Variants in BLK observed in about 807,000 individuals in gnomAD.
The protein encoded by BLK is BLK proto-oncogene, Src family tyrosine kinase, also known as tyrosine-protein kinase Blk.
In BLK, 64 loss-of-function variants were observed where a neutral mutation model predicts 61.8. The observed-to-expected ratio is 1.03, with a 90% CI of 0.85 to 1.27. The LOEUF is 1.27. Among genes scored for constraint, BLK ranks in the 50% most tolerant of loss-of-function variants. The pLI, the probability that BLK is intolerant of heterozygous loss-of-function variation, is 0.00. For synonymous variants in BLK, 351 were observed against 272.0 expected (o/e 1.29, Z -2.86); for missense variants, 853 against 660.5 (o/e 1.29, Z -3.19).
At chr8:11,525,365 T>C (rs1435625548) in intron 1 of BLK, among the ~76,000 whole-genome samples, 2 of 152,216 alleles carry the variant, frequency 1.3e-5, no homozygotes, top group Non-Finnish European at 2.9e-5. Context: ...GTCTCACTGT[T>C]AGTAGTTTGA....
At chr8:11,527,595 T>G (rs974751517) in intron 1 of BLK, among the ~76,000 whole-genome samples, 1 of 151,810 alleles carries the variant, frequency 6.6e-6, no homozygotes, top group Non-Finnish European at 1.5e-5. Flanking sequence ...TTATGGACAA[T>G]TTGGTGGGCA....
At chr8:11,513,116 G>A (rs573002972) in intron 1 of BLK, among the ~76,000 whole-genome samples, 9 of 152,136 alleles carry the variant, frequency 5.9e-5, no homozygotes, top group African/African-American at 1.9e-4. Context: ...ATCCTCCTAC[G>A]AGATCCCTAC....
intron 1 of BLK, among the ~76,000 whole-genome samples, chr8:11,538,407 T>C (rs781005098): frequency 2.0e-5 from 3 of 152,142 alleles, no homozygotes; most frequent in African/African-American, 7.2e-5. Flanking sequence ...TCAAAGCCAC[T>C]GGAGTAGGGG....
At chr8:11,515,233 G>A (rs1172096852) in intron 1 of BLK, among the ~76,000 whole-genome samples, 1 of 152,178 alleles carries the variant, frequency 6.6e-6, no homozygotes, top group Non-Finnish European at 1.5e-5. Context: ...GGTCCTGGAA[G>A]TACAGGCGGT....
chr8:11,556,534 C>CA, intron 8 of BLK, 124 bp from the exon 9 acceptor site: 1 of 1,188,792 alleles, frequency 8.4e-7, no homozygotes, highest in East Asian at 2.4e-5. Flanking sequence ...TCCGGAACTG[C>CA]ATGTTCCAGC....
Position 11,556,613 on chromosome 8 carries a change from A to G in BLK, c.773-45A>G, listed in dbSNP as rs373942304. 1.1e-3 allele frequency: 1,835 copies of G among 1,613,188 alleles called. 1 individual carries two copies. The highest frequency in any genetic ancestry group is 1.4e-3 in the Non-Finnish European group (1,650 of 1,179,446). On this transcript the variant is annotated intron_variant, in intron 8 of 12. Coordinates refer to ENST00000259089, the MANE Select transcript of BLK (RefSeq NM_001715.3). ...TTTGGTTAAGGGATCACCTCCGAGC[A>G]AGCTCTCTGTCTTCTGATTGGCTTC...
At chr8:11,522,884 C>G (rs1037986841) in intron 1 of BLK, among the ~76,000 whole-genome samples, 1 of 152,094 alleles carries the variant, frequency 6.6e-6, no homozygotes. Context: ...TTAACACCTA[C>G]TAACTCCATG....
At chr8:11,543,449 G>C (rs1252719032) in intron 2 of BLK, 102 bp downstream of exon 2, 3 of 1,484,204 alleles carry the variant, frequency 2.0e-6, no homozygotes, top group African/African-American at 2.8e-5. Context: ...CTTCCTGATA[G>C]GGATGTAACG....
chr8:11,562,475 G>A (rs1354460865), intron 11 of BLK, among the ~76,000 whole-genome samples: 4 of 152,154 alleles, frequency 2.6e-5, no homozygotes, highest in African/African-American at 9.7e-5. Context: ...AATGCTGGCC[G>A]GGGCTGCAGC....
At chr8:11,562,302 C>T (rs113920491) in intron 11 of BLK, among the ~76,000 whole-genome samples, 1 of 152,118 alleles carries the variant, frequency 6.6e-6, no homozygotes, top group Non-Finnish European at 1.5e-5. Flanking sequence ...GAAGGGGTCA[C>T]ATATATTTAT....
At chr8:11,535,904 G>A (rs987058787) in intron 1 of BLK, among the ~76,000 whole-genome samples, 5 of 152,192 alleles carry the variant, frequency 3.3e-5, no homozygotes, top group African/African-American at 1.2e-4. Flanking sequence ...AATCCAAAAT[G>A]GAGAACATTC....
At chr8:11,563,603 T>G (rs986136178) in intron 12 of BLK, among the ~76,000 whole-genome samples, 1 of 152,208 alleles carries the variant, frequency 6.6e-6, no homozygotes, top group Admixed American at 6.5e-5. Flanking sequence ...TGGGCTTGGC[T>G]GTGCCCCTGG....
At chr8:11,498,929 A>G (rs1798459014) in intron 1 of BLK, among the ~76,000 whole-genome samples, 1 of 152,236 alleles carries the variant, frequency 6.6e-6, no homozygotes, top group African/African-American at 2.4e-5. Flanking sequence ...GTACTTCAAA[A>G]AGACACATCT....
At chr8:11,531,382 G>T (rs1413815579) in intron 1 of BLK, among the ~76,000 whole-genome samples, 1 of 151,908 alleles carries the variant, frequency 6.6e-6, no homozygotes, top group Non-Finnish European at 1.5e-5. Flanking sequence ...CTATTCTAAG[G>T]GAATAGAAGG....
Position 11,548,007 on chromosome 8 carries a change from G to T in BLK, c.176-25G>T, listed in dbSNP as rs374187873. ...TTCCCGCTTGTGGGCCTGAGTGGTGGTCATCTCTCCCTTGTTCATTTTAGA... is the reference window on the plus strand; with the variant it reads ...TTCCCGCTTGTGGGCCTGAGTGGTGTTCATCTCTCCCTTGTTCATTTTAGA... On this transcript the variant is annotated intron_variant, in intron 3 of 12. Coordinates refer to ENST00000259089, the MANE Select transcript of BLK (RefSeq NM_001715.3). 4 of 1,605,094 alleles carry T rather than the reference G, an allele frequency of 2.5e-6. No individual in the cohort carries two copies. The African/African-American group carries it at 4.0e-5, about 16-fold the overall frequency.
Position 11,556,768 on chromosome 8 carries a change from C to G in BLK, c.883C>G (p.Arg295Gly). The G allele has an allele frequency of 1.2e-6, 2 of 1,614,214 alleles. No homozygotes were observed. Among genetic ancestry groups the G allele is most frequent in the South Asian group, 2.2e-5 (2 of 91,082 alleles). Residue 295 changes from arginine (R) to glycine (G), a missense_variant, in exon 9 of 13, where the codon CGG becomes GGG. Physicochemically the swap from Arg to Gly is moderately radical, Grantham distance 125 (BLOSUM62 -2). Coordinates refer to ENST00000259089, the MANE Select transcript of BLK (RefSeq NM_001715.3). ...ANVMKALQHE[R>G]LVRLYAVVTK... ...CGTGATGAAGGCTCTGCAGCACGAG[C>G]GGCTGGTCCGACTCTACGCAGTGGT...
At chr8:11,511,178 G>A (rs1490914191) in intron 1 of BLK, among the ~76,000 whole-genome samples, 1 of 152,188 alleles carries the variant, frequency 6.6e-6, no homozygotes. Context: ...TCCACCCAAC[G>A]GAGTGGGAGA....
At chr8:11,528,177 C>T (rs906132842) in intron 1 of BLK, among the ~76,000 whole-genome samples, 1 of 152,120 alleles carries the variant, frequency 6.6e-6, no homozygotes, top group Non-Finnish European at 1.5e-5. Flanking sequence ...ATTGGCACTA[C>T]AAGCACATGC....
At position 11,556,788 on chromosome 8, in the gene BLK, A is replaced by C. The variant is rs767225280; in HGVS notation, c.903A>C (p.Ala301=). The C allele has an allele frequency of 4.3e-6, 7 of 1,614,214 alleles. No individual in the cohort carries two copies. Among genetic ancestry groups the C allele is most frequent in the South Asian group, 1.1e-5 (1 of 91,086 alleles). The part of the protein sequence containing the change: ...LQHERLVRLY[A]VVTKEPIYIV... ...ACGAGCGGCTGGTCCGACTCTACGC[A>C]GTGGTCACCAAGGAGCCCATCTACA... is the stretch of plus-strand genomic sequence containing the variant. Residue 301 remains alanine, a synonymous_variant, in exon 9 of 13, where the codon GCA becomes GCC. Transcript: ENST00000259089.
Sources: gnomAD v4.1 joint callset for allele counts (sites outside exome capture counted in the v4.1 genomes callset) on GRCh38, gnomAD v4.1.1 for gene constraint, MANE v1.5 for transcripts, NCBI Gene and HGNC (gene_info 2026-07-23, HGNC 2026-07-21) for gene names.